B4GALT6: variants seen among roughly 807,000 people sequenced by gnomAD.
B4GALT6 encodes the protein UDP-Gal:beta-GlcNAc beta-1,4-galactosyltransferase 6.
A neutral mutation model predicts 46.3 loss-of-function variants in B4GALT6; 14 were observed. The observed-to-expected ratio is 0.30, with a 90% CI of 0.20 to 0.47. B4GALT6 has a LOEUF of 0.47. Among genes scored for constraint, B4GALT6 ranks in the 20% least tolerant of loss-of-function variants. The probability of loss-of-function intolerance (pLI) is 0.99; values close to 1 mark genes in which losing one functional copy is unlikely to be tolerated. For missense variants in B4GALT6, 386 were observed against 480.1 expected, an observed-to-expected ratio of 0.80 and a Z score of 1.83; for synonymous variants, 168 against 162.0, an observed-to-expected ratio of 1.04 and a Z score of -0.28.
upstream of B4GALT6, among the ~76,000 whole-genome samples, chr18:31,688,478 A>C (rs908731305): frequency 1.3e-5 from 2 of 151,960 alleles, no homozygotes; most frequent in Admixed American, 6.6e-5. Flanking sequence ...TATATATATG[A>C]AATAATATAG....
the B4GALT6 span, among the ~76,000 whole-genome samples, chr18:31,704,020 A>G: frequency 1.3e-5 from 2 of 152,154 alleles, no homozygotes; most frequent in Admixed American, 1.3e-4. Context: ...ATTTTCCACA[A>G]AAATAACATT....
chr18:31,705,257 T>A, the B4GALT6 span, among the ~76,000 whole-genome samples: 1 of 152,252 alleles, frequency 6.6e-6, no homozygotes, highest in Admixed American at 6.5e-5. Context: ...TGTTAAAAGT[T>A]ATCATCTAAA....
intron 3 of B4GALT6, among the ~76,000 whole-genome samples, chr18:31,647,548 A>G (rs1327690444): frequency 6.6e-6 from 1 of 152,046 alleles, no homozygotes; most frequent in Non-Finnish European, 1.5e-5. Flanking sequence ...CTGAAATCCT[A>G]GTAATTTGCT....
chr18:31,652,339 C>G (rs959841790), intron 3 of B4GALT6, among the ~76,000 whole-genome samples: 1 of 151,294 alleles, frequency 6.6e-6, no homozygotes, highest in African/African-American at 2.4e-5. Context: ...GTGGCCCTTT[C>G]ACAGTTCCTC....
At chr18:31,652,237 G>C (rs71372020) in intron 3 of B4GALT6, among the ~76,000 whole-genome samples, 1 of 152,022 alleles carries the variant, frequency 6.6e-6, no homozygotes, top group Non-Finnish European at 1.5e-5. Flanking sequence ...CACTTCTGAC[G>C]CACTTCTCAA....
At chr18:31,660,240 T>C (rs930196303) in intron 2 of B4GALT6, among the ~76,000 whole-genome samples, 2 of 152,124 alleles carry the variant, frequency 1.3e-5, no homozygotes, top group African/African-American at 4.8e-5. Flanking sequence ...TGAGCCACCA[T>C]GCCTGGCCTG....
chr18:31,662,236 G>A (rs1020618308), intron 2 of B4GALT6, among the ~76,000 whole-genome samples: 11 of 152,094 alleles, frequency 7.2e-5, no homozygotes, highest in Non-Finnish European at 1.6e-4. Context: ...AAGTTTTAGA[G>A]CTAAACATCT....
At chr18:31,647,771 G>A (rs2074009258) in intron 3 of B4GALT6, among the ~76,000 whole-genome samples, 1 of 152,128 alleles carries the variant, frequency 6.6e-6, no homozygotes. Flanking sequence ...AAGGGAAAAG[G>A]TCATGTTATA....
chr18:31,682,180 G>A (rs1403030335), intron 1 of B4GALT6, among the ~76,000 whole-genome samples: 1 of 152,164 alleles, frequency 6.6e-6, no homozygotes, highest in African/African-American at 2.4e-5. Flanking sequence ...AAGTGAGCCT[G>A]ACACTTCAAG....
the B4GALT6 span, among the ~76,000 whole-genome samples, chr18:31,698,922 T>C: frequency 1.3e-5 from 2 of 151,684 alleles, no homozygotes; most frequent in Non-Finnish European, 2.9e-5. Flanking sequence ...ATACAAAAAT[T>C]AGCCAGGTGT....
intron 3 of B4GALT6, among the ~76,000 whole-genome samples, chr18:31,650,350 C>G (rs897114379): frequency 1.3e-5 from 2 of 152,232 alleles, no homozygotes. Context: ...ACGGCTTGAA[C>G]TACCCACCAT....
the B4GALT6 span, among the ~76,000 whole-genome samples, chr18:31,700,869 A>G: frequency 2.6e-5 from 4 of 152,182 alleles, no homozygotes; most frequent in Middle Eastern, 3.4e-3. Flanking sequence ...GACCCACCCC[A>G]CACCCATTTG....
At chr18:31,714,486 C>G in the B4GALT6 span, among the ~76,000 whole-genome samples, 3 of 152,172 alleles carry the variant, frequency 2.0e-5, no homozygotes, top group African/African-American at 7.2e-5. Context: ...ATGGGCAAGC[C>G]TGGGAAGAAG....
At chr18:31,715,537 C>CTTTTTTTTTTT in the B4GALT6 span, among the ~76,000 whole-genome samples, 19 of 49,628 alleles carry the variant, frequency 3.8e-4, 3 homozygotes, top group East Asian at 2.6e-3. Flanking sequence ...CTGGAACTGT[C>CTTTTTTTTTTT]TTTTTTTTTT....
the B4GALT6 span, among the ~76,000 whole-genome samples, chr18:31,710,823 C>CACACACACAT: frequency 6.6e-6 from 1 of 151,084 alleles, no homozygotes; most frequent in Non-Finnish European, 1.5e-5. Context: ...ACCACACACA[C>CACACACACAT]ACACACACAC....
At chr18:31,640,089 C>CA (rs1352852561) in intron 4 of B4GALT6, among the ~76,000 whole-genome samples, 1 of 151,768 alleles carries the variant, frequency 6.6e-6, no homozygotes, top group East Asian at 1.9e-4. Context: ...ATTAGATTTT[C>CA]AAAAAAACAC....
chr18:31,663,845 T>A lies in B4GALT6; in HGVS notation c.232+2411A>T, dbSNP rs1598912763. 2.6e-5 allele frequency among the ~76,000 whole-genome samples: 4 copies of A among 152,220 alleles called. No individual in the cohort carries two copies. The East Asian group carries it at 7.7e-4, about 29-fold the overall frequency. On this transcript the variant is annotated intron_variant, in intron 2 of 8. Transcript: ENST00000306851. The stretch of plus-strand genomic sequence containing the variant: ...TTTTCTTAATATTGTGTCTCCAATA[T>A]CTGGTTAAATATACTAACTATAATA...
intron 1 of B4GALT6, among the ~76,000 whole-genome samples, chr18:31,682,879 A>C (rs1247530719): frequency 3.3e-5 from 5 of 152,198 alleles, no homozygotes; most frequent in African/African-American, 1.2e-4. Flanking sequence ...AAAAATAAAG[A>C]AAGCTCTTGT....
intron 8 of B4GALT6, among the ~76,000 whole-genome samples, 157 bp from the exon 9 acceptor site, chr18:31,625,918 T>C (rs183844436): frequency 1.2e-4 from 19 of 152,182 alleles, no homozygotes; most frequent in Admixed American, 1.2e-3. Context: ...AAACCATTAT[T>C]CTAAATTAGC....
Sources: gnomAD v4.1 joint callset for allele counts (sites outside exome capture counted in the v4.1 genomes callset) on GRCh38, gnomAD v4.1.1 for gene constraint, MANE v1.5 for transcripts, NCBI Gene and HGNC (gene_info 2026-07-23, HGNC 2026-07-21) for gene names.